The following PARN variants were observed in gnomAD, a reference collection of about 807,000 sequenced individuals.
PARN encodes poly(A)-specific ribonuclease PARN.
In PARN, 71 loss-of-function variants were observed where a neutral mutation model predicts 102.8. The ratio of observed to expected loss-of-function variants is 0.69; its 90% CI spans 0.57 to 0.84. PARN has a LOEUF of 0.84. Among genes scored for constraint, PARN ranks in the 40% least tolerant of loss-of-function variants. The pLI, the probability that PARN is intolerant of heterozygous loss-of-function variation, is 0.00. For synonymous variants in PARN, 261 were observed against 252.9 expected, an observed-to-expected ratio of 1.03 and a Z score of -0.30; for missense variants, 782 against 760.9, an observed-to-expected ratio of 1.03 and a Z score of -0.33.
chr16:14,487,522 T>C (rs894146833), intron 21 of PARN, among the ~76,000 whole-genome samples: 2 of 152,214 alleles, frequency 1.3e-5, no homozygotes, highest in African/African-American at 2.4e-5. Flanking sequence ...CCTTCCTAAA[T>C]TGACTTATAG....
chr16:14,497,610 T>A (rs1964385490), intron 21 of PARN, among the ~76,000 whole-genome samples: 1 of 152,234 alleles, frequency 6.6e-6, no homozygotes, highest in Non-Finnish European at 1.5e-5. Context: ...GTGCTCCATG[T>A]TTCTTCTACT....
intron 3 of PARN, 142 bp downstream of exon 3, chr16:14,628,030 A>G (rs1478440553): frequency 3.1e-6 from 2 of 654,738 alleles, no homozygotes; most frequent in Non-Finnish European, 5.4e-6. Context: ...AAACAAAAAA[A>G]AAAATCACTT....
intron 22 of PARN, among the ~76,000 whole-genome samples, chr16:14,463,085 T>C (rs1962087067): frequency 6.6e-6 from 1 of 152,106 alleles, no homozygotes. Flanking sequence ...AAGGGAACAA[T>C]ATATGGTGCT....
chr16:14,526,775 G>A (rs566035381), intron 21 of PARN, among the ~76,000 whole-genome samples: 5 of 152,302 alleles, frequency 3.3e-5, no homozygotes, highest in South Asian at 2.1e-4. Context: ...ACTTGGAGCC[G>A]TCCACGGTCA....
At chr16:14,512,133 T>C (rs1965218984) in intron 21 of PARN, among the ~76,000 whole-genome samples, 1 of 152,230 alleles carries the variant, frequency 6.6e-6, no homozygotes, top group African/African-American at 2.4e-5. Context: ...GAATTTAATC[T>C]TCCACTGTGT....
intron 10 of PARN, among the ~76,000 whole-genome samples, 190 bp downstream of exon 10, chr16:14,606,294 A>G (rs181286186): frequency 2.7e-4 from 41 of 151,724 alleles, no homozygotes; most frequent in African/African-American, 7.5e-4. Flanking sequence ...CCAGCTTGGG[A>G]GGCTGATGTA....
rs1257732977 is a variant in PARN at position 14,628,339 on chromosome 16, G to C, written c.98-88C>G. 4 of 729,154 alleles carry C rather than the reference G, an allele frequency of 5.5e-6. No individual in the cohort carries two copies. The Admixed American group carries it at 7.9e-5, about 14-fold the overall frequency. 45.2% of individuals were successfully genotyped at this position (729,154 alleles called of 1,614,324 possible). On this transcript the variant is annotated intron_variant, in intron 2 of 23. Transcript: ENST00000437198. ...AATCATTCAGTGCCTCTATAATGTC[G>C]TATCACGAATTAAGGTTACTTGGAA...
At chr16:14,593,518 A>AAC (rs1970326459) in intron 12 of PARN, 140 bp from the exon 13 acceptor site, 1 of 453,114 alleles carries the variant, frequency 2.2e-6, no homozygotes, top group Admixed American at 4.0e-5. Context: ...AAAAAAAAAA[A>AAC]AAAAAGTACA....
chr16:14,608,204 T>C (rs377729332), intron 9 of PARN, 77 bp downstream of exon 9: 29 of 1,054,916 alleles, frequency 2.7e-5, no homozygotes, highest in Non-Finnish European at 4.0e-5. Context: ...AAAAAGGAAA[T>C]GAGAACTAAG....
chr16:14,555,980 T>G (rs1468620766), intron 18 of PARN, among the ~76,000 whole-genome samples: 1 of 151,812 alleles, frequency 6.6e-6, no homozygotes, highest in African/African-American at 2.4e-5. Flanking sequence ...TTCTTCTGCC[T>G]CAGCCTCCTG....
At chr16:14,451,507 A>C (rs967238221) in intron 22 of PARN, among the ~76,000 whole-genome samples, 3 of 152,198 alleles carry the variant, frequency 2.0e-5, no homozygotes, top group Non-Finnish European at 4.4e-5. Flanking sequence ...AAACATTCTA[A>C]GTGAATGAAG....
At chr16:14,473,211 G>T (rs1262098989) in intron 22 of PARN, among the ~76,000 whole-genome samples, 2 of 152,204 alleles carry the variant, frequency 1.3e-5, no homozygotes, top group Non-Finnish European at 2.9e-5. Context: ...GAAGCTGCGA[G>T]TGAGGAATGA....
chr16:14,460,595 G>C (rs778932449), intron 22 of PARN, among the ~76,000 whole-genome samples: 6 of 152,030 alleles, frequency 3.9e-5, no homozygotes, highest in African/African-American at 1.5e-4. Flanking sequence ...AGAAACTTTC[G>C]TCAAAACATT....
intron 22 of PARN, among the ~76,000 whole-genome samples, chr16:14,463,642 G>C (rs1962125331): frequency 6.6e-6 from 1 of 151,992 alleles, no homozygotes; most frequent in African/African-American, 2.4e-5. Flanking sequence ...TAAAGACCCA[G>C]CAATAGTAAC....
chr16:14,577,937 G>A (rs1057214027), intron 18 of PARN, among the ~76,000 whole-genome samples: 14 of 152,016 alleles, frequency 9.2e-5, no homozygotes, highest in African/African-American at 3.4e-4. Flanking sequence ...CAAAGTGCTG[G>A]GATTACAGAC....
rs1175434756 is a variant in PARN, at chr16:14,561,280, C to T, written c.1263-5571G>A. Among the ~76,000 whole-genome samples the T allele has an allele frequency of 2.0e-5, 3 of 152,204 alleles. No homozygotes were observed. In the East Asian group the frequency reaches 5.8e-4, roughly 29 times the overall value. On this transcript the variant is annotated intron_variant, in intron 18 of 23. Transcript: ENST00000437198. ...AACTCTAGAATATAGAACCTTGAAC[C>T]GTTAGCAAAATGTGCTTCCCCGCCA...
At chr16:14,467,279 C>A (rs1356293721) in intron 22 of PARN, among the ~76,000 whole-genome samples, 1 of 152,170 alleles carries the variant, frequency 6.6e-6, no homozygotes, top group Non-Finnish European at 1.5e-5. Flanking sequence ...GGGGGGCCCA[C>A]CTGATAGGCT....
At chr16:14,508,478 T>C (rs1965011203) in intron 21 of PARN, among the ~76,000 whole-genome samples, 1 of 152,154 alleles carries the variant, frequency 6.6e-6, no homozygotes, top group Non-Finnish European at 1.5e-5. Flanking sequence ...ATTTTTGTTA[T>C]TATAGTGACC....
chr16:14,436,497 A>T lies in PARN; in HGVS notation c.*220T>A. ...ACGTACACATTCATGACAGCCTACA[A>T]CCGTGATGAGTGTCAATGTCAACAG... On this transcript the variant is annotated 3_prime_UTR_variant, in exon 24 of 24. Coordinates refer to ENST00000437198, the MANE Select transcript of PARN (RefSeq NM_002582.4). The T allele has an allele frequency of 1.7e-6, 1 of 594,894 alleles. No homozygotes were observed. The highest frequency in any genetic ancestry group is 3.0e-6 in the Non-Finnish European group (1 of 334,366). The allele number at this position is 594,894 out of a possible 1,614,324, so 36.9% of individuals were successfully genotyped here. A position where few individuals can be genotyped will look rare whatever the true frequency, so the allele number is the denominator to read the frequency against.
Sources: allele counts gnomAD v4.1 joint callset (sites outside exome capture counted in the v4.1 genomes callset), GRCh38; gene constraint gnomAD v4.1.1; transcripts MANE v1.5; gene names NCBI Gene and HGNC (gene_info 2026-07-23, HGNC 2026-07-21).